The following MTFR1 variants were observed in gnomAD, a reference collection of about 807,000 sequenced individuals.
MTFR1 encodes the protein chondrocyte protein with a poly-proline region.
Under a neutral mutation model 38.8 loss-of-function variants are expected in MTFR1, and 28 were observed. That is an observed-to-expected ratio of 0.72 (90% CI 0.53 to 0.99). The LOEUF is 0.99. MTFR1 is among the 50% of genes least tolerant of loss of function. The pLI is 0.00. For synonymous variants in MTFR1, 145 were observed against 137.0 expected, an observed-to-expected ratio of 1.06 and a Z score of -0.41; for missense variants, 358 against 395.5, an observed-to-expected ratio of 0.91 and a Z score of 0.81.
At chr8:65,715,630 A>G (rs1208108077) in intron 2 of MTFR1, among the ~76,000 whole-genome samples, 2 of 148,642 alleles carry the variant, frequency 1.3e-5, no homozygotes, top group Admixed American at 1.3e-4. Context: ...CACCCACCTC[A>G]GCCTCCCAAA....
In MTFR1 at chr8:65,666,378, C is replaced by T. The variant is rs545105172; in HGVS notation, c.-80-3495C>T. ...CTGAGATCGCGCCACTGCAGTCCAG[C>T]CTGGGCGATGGAGTGAGACTTTGTC... On this transcript the variant is annotated intron_variant, in intron 1 of 7. Coordinates refer to ENST00000262146, the MANE Select transcript of MTFR1 (RefSeq NM_014637.4). 2.0e-5 allele frequency among the ~76,000 whole-genome samples: 3 copies of T among 152,350 alleles called. No individual in the cohort carries two copies. In the South Asian group the frequency reaches 6.2e-4, roughly 32 times the overall value.
chr8:65,657,757 G>A lies in MTFR1; in HGVS notation c.-80-12116G>A, dbSNP rs529081553. On this transcript the variant is annotated intron_variant, in intron 1 of 7. Coordinates refer to ENST00000262146, the MANE Select transcript of MTFR1 (RefSeq NM_014637.4). ...GGTAATGATTGTCTTCCTCTGAGTG[G>A]TAGAGAGAACAATAACTTCACGTTC... Among the ~76,000 whole-genome samples, 4 of 151,396 alleles carry A rather than the reference G, an allele frequency of 2.6e-5. No individual in the cohort carries two copies. The South Asian group carries it at 8.4e-4, about 32-fold the overall frequency.
intron 3 of MTFR1, among the ~76,000 whole-genome samples, chr8:65,742,298 G>A (rs1333497060): frequency 6.6e-6 from 1 of 152,172 alleles, no homozygotes. Flanking sequence ...CCCTGACAAC[G>A]CAGGCCTGGC....
At chr8:65,772,908 T>C (rs575194169), downstream of MTFR1, among the ~76,000 whole-genome samples, 1 of 152,214 alleles carries the variant, frequency 6.6e-6, no homozygotes, top group South Asian at 2.1e-4. Flanking sequence ...CTTGGGAGGC[T>C]GAGGTGGGAG....
chr8:65,715,088 A>G (rs1011395638), downstream of MTFR1, among the ~76,000 whole-genome samples: 2 of 152,170 alleles, frequency 1.3e-5, no homozygotes, highest in East Asian at 1.9e-4. Flanking sequence ...AAGGGTGGCC[A>G]TGTGTGTGAA....
chr8:65,744,768 G>A (rs556285925), intron 3 of MTFR1, among the ~76,000 whole-genome samples: 2 of 152,320 alleles, frequency 1.3e-5, no homozygotes, highest in South Asian at 2.1e-4. Context: ...ATTAATAATA[G>A]CAGCGGCAAT....
At chr8:65,672,632 T>C (rs1804595772) in intron 2 of MTFR1, among the ~76,000 whole-genome samples, 1 of 152,176 alleles carries the variant, frequency 6.6e-6, no homozygotes, top group African/African-American at 2.4e-5. Context: ...TGCCTCAGCC[T>C]CCCAAGTAGC....
chr8:65,680,506 C>T (rs763987785), intron 2 of MTFR1, among the ~76,000 whole-genome samples: 5 of 152,148 alleles, frequency 3.3e-5, no homozygotes, highest in Non-Finnish European at 5.9e-5. Context: ...TTGAATTGGA[C>T]TTGATTGCTA....
chr8:65,774,488 CT>C (rs1809201414), downstream of MTFR1, among the ~76,000 whole-genome samples: 1 of 152,046 alleles, frequency 6.6e-6, no homozygotes. Flanking sequence ...TCTTACACAA[CT>C]TTCTCTAACA....
downstream of MTFR1, among the ~76,000 whole-genome samples, chr8:65,774,474 T>G (rs1246879282): frequency 3.3e-5 from 5 of 152,088 alleles, no homozygotes; most frequent in African/African-American, 9.7e-5. Context: ...TTTAGAGAGA[T>G]AACTCTTACA....
intron 3 of MTFR1, among the ~76,000 whole-genome samples, chr8:65,760,677 A>G (rs1384879815): frequency 6.6e-6 from 1 of 152,186 alleles, no homozygotes; most frequent in Non-Finnish European, 1.5e-5. Context: ...TAGTTTCTTC[A>G]TGTTTACTCC....
downstream of MTFR1, among the ~76,000 whole-genome samples, chr8:65,711,569 C>T (rs1405779282): frequency 6.6e-6 from 1 of 152,178 alleles, no homozygotes; most frequent in Non-Finnish European, 1.5e-5. Flanking sequence ...CTTTCCCTTT[C>T]TCATCCTAGA....
chr8:65,661,347 A>C (rs551671487), intron 1 of MTFR1, among the ~76,000 whole-genome samples: 2 of 152,318 alleles, frequency 1.3e-5, no homozygotes, highest in African/African-American at 4.8e-5. Flanking sequence ...TGTACATTTA[A>C]ACTGCTCTAA....
intron 2 of MTFR1, 40 bp from the exon 3 acceptor site, chr8:65,682,313 C>T (rs1055830828): frequency 9.5e-7 from 1 of 1,051,230 alleles, no homozygotes; most frequent in Non-Finnish European, 1.4e-6. Flanking sequence ...CAGTTCTGTA[C>T]ATCTTGTAAT....
chr8:65,751,476 T>G (rs1807951445), intron 3 of MTFR1, among the ~76,000 whole-genome samples: 1 of 144,722 alleles, frequency 6.9e-6, no homozygotes, highest in African/African-American at 2.5e-5. Context: ...CTTCCTGAGG[T>G]TTTTTTTTTT....
chr8:65,644,560 C>G (rs1260382166), upstream of MTFR1, among the ~76,000 whole-genome samples: 1 of 152,246 alleles, frequency 6.6e-6, no homozygotes, highest in African/African-American at 2.4e-5. Context: ...TCTCAGAGCT[C>G]CGCGCGTGCG....
At chr8:65,656,407 C>T (rs2129048202) in intron 1 of MTFR1, among the ~76,000 whole-genome samples, 1 of 151,970 alleles carries the variant, frequency 6.6e-6, no homozygotes, top group East Asian at 1.9e-4. Context: ...ACTCATAGCT[C>T]ACTGTAATCT....
At chr8:65,684,389 C>CT (rs139448639) in intron 3 of MTFR1, among the ~76,000 whole-genome samples, 6,512 of 143,682 alleles carry the variant, frequency 0.045, 198 homozygotes, top group Non-Finnish European at 0.068. Context: ...TATATTGAGT[C>CT]TTTTTTTTTT....
intron 3 of MTFR1, among the ~76,000 whole-genome samples, chr8:65,737,307 T>C (rs540973862): frequency 6.6e-6 from 1 of 152,128 alleles, no homozygotes; most frequent in African/African-American, 2.4e-5. Context: ...GATGAAGGGA[T>C]AAACAGCCAA....
Sources: gnomAD v4.1 joint callset for allele counts (sites outside exome capture counted in the v4.1 genomes callset) on GRCh38, gnomAD v4.1.1 for gene constraint, MANE v1.5 for transcripts, NCBI Gene and HGNC (gene_info 2026-07-23, HGNC 2026-07-21) for gene names.